The following PTPRT variants were observed in gnomAD, a reference collection of about 807,000 sequenced individuals.
PTPRT encodes protein tyrosine phosphatase receptor type T, also known as receptor-type tyrosine-protein phosphatase T.
In PTPRT, 56 loss-of-function variants were observed where a neutral mutation model predicts 176.8. That is an observed-to-expected ratio of 0.32 (90% CI 0.26 to 0.40). The LOEUF (loss-of-function observed/expected upper bound fraction) is 0.40, where lower values mean the gene tolerates loss of function less well. Among genes scored for constraint, PTPRT ranks in the 10% least tolerant of loss-of-function variants. The pLI is 1.00. For missense variants in PTPRT, 1,540 were observed against 1,908.2 expected, an observed-to-expected ratio of 0.81 and a Z score of 3.60; for synonymous variants, 783 against 739.0, an observed-to-expected ratio of 1.06 and a Z score of -0.96.
At chr20:43,099,857 T>TG (rs1319834609) in intron 1 of PTPRT, among the ~76,000 whole-genome samples, 4 of 152,188 alleles carry the variant, frequency 2.6e-5, no homozygotes, top group African/African-American at 9.7e-5. Flanking sequence ...TCATCATTTC[T>TG]GGTCTTGGGA....
At chr20:42,604,598 G>T (rs960180909) in intron 7 of PTPRT, among the ~76,000 whole-genome samples, 2 of 152,096 alleles carry the variant, frequency 1.3e-5, no homozygotes, top group African/African-American at 4.8e-5. Flanking sequence ...CTAGGAAGAG[G>T]TTCTCTCATT....
At chr20:42,303,210 T>C (rs1352623372) in intron 12 of PTPRT, among the ~76,000 whole-genome samples, 1 of 152,230 alleles carries the variant, frequency 6.6e-6, no homozygotes, top group African/African-American at 2.4e-5. Flanking sequence ...TGAGCTGTAA[T>C]TACTAATTGA....
At chr20:42,566,942 G>A (rs1275315792) in intron 7 of PTPRT, among the ~76,000 whole-genome samples, 7 of 152,078 alleles carry the variant, frequency 4.6e-5, no homozygotes, top group African/African-American at 1.7e-4. Context: ...ACTTTTCCAT[G>A]AATCTAAATT....
chr20:42,523,721 T>C (rs1053455224), intron 7 of PTPRT, among the ~76,000 whole-genome samples: 4 of 152,252 alleles, frequency 2.6e-5, no homozygotes, highest in Non-Finnish European at 5.9e-5. Context: ...ACTTATTCTA[T>C]ATTTTTACTT....
intron 6 of PTPRT, among the ~76,000 whole-genome samples, chr20:42,734,088 G>A (rs2076502391): frequency 6.6e-6 from 1 of 152,176 alleles, no homozygotes; most frequent in African/African-American, 2.4e-5. Context: ...TAATGCCTGA[G>A]CCAGCTTGTA....
chr20:42,510,917 A>G (rs941889611), intron 7 of PTPRT, among the ~76,000 whole-genome samples: 1 of 152,086 alleles, frequency 6.6e-6, no homozygotes, highest in African/African-American at 2.4e-5. Context: ...TTAATCCCCA[A>G]TGTGGCAATC....
rs553058042 is a variant in PTPRT, at chr20:42,564,182, C to T, written c.1154-91620G>A. Among the ~76,000 whole-genome samples, 5 of 152,308 alleles carry T rather than the reference C, an allele frequency of 3.3e-5. No individual in the cohort carries two copies. The South Asian group carries it at 8.3e-4, about 25-fold the overall frequency. ...GCCTTGCTGTATACCCAGCAACCGC[C>T]TAGTCTCCTTCACAGAAAGAAACAG... On this transcript the variant is annotated intron_variant, in intron 7 of 30. Transcript: ENST00000373187.
chr20:42,817,453 T>C (rs191277821), intron 2 of PTPRT, among the ~76,000 whole-genome samples: 1 of 148,842 alleles, frequency 6.7e-6, no homozygotes, highest in East Asian at 2.1e-4. Flanking sequence ...GTGTACACAA[T>C]AATACTCCCT....
At chr20:42,426,585 C>A (rs1033226965) in intron 9 of PTPRT, among the ~76,000 whole-genome samples, 1 of 152,232 alleles carries the variant, frequency 6.6e-6, no homozygotes, top group Admixed American at 6.5e-5. Flanking sequence ...CTTAAGCCGT[C>A]TGCAGATGGC....
chr20:42,130,600 G>A (rs1170968131), intron 18 of PTPRT, among the ~76,000 whole-genome samples: 1 of 152,156 alleles, frequency 6.6e-6, no homozygotes, highest in Non-Finnish European at 1.5e-5. Context: ...TCCTATTATG[G>A]ACAAACAGGC....
In PTPRT at chr20:42,726,256, T is replaced by A. The variant is rs182550571; in HGVS notation, c.859+30206A>T. Among the ~76,000 whole-genome samples, 290 of 152,132 alleles carry A rather than the reference T, an allele frequency of 1.9e-3. 1 individual carries two copies. The highest frequency in any genetic ancestry group is 6.8e-3 in the Middle Eastern group (2 of 294). ...CAGCACACTTGGCTAATTTTGTATT[T>A]TTAGTAGAGATGGGGTTTCACCATG... On this transcript the variant is annotated intron_variant, in intron 6 of 30. Transcript: ENST00000373187.
intron 2 of PTPRT, among the ~76,000 whole-genome samples, chr20:42,874,311 G>A (rs1359201957): frequency 2.0e-5 from 3 of 152,088 alleles, no homozygotes; most frequent in Non-Finnish European, 4.4e-5. Context: ...CGAACAACAT[G>A]CAGGTTCACT....
At chr20:42,625,917 T>C (rs2074281127) in intron 7 of PTPRT, among the ~76,000 whole-genome samples, 1 of 132,728 alleles carries the variant, frequency 7.5e-6, no homozygotes, top group Non-Finnish European at 1.6e-5. Context: ...AAGTTCCATT[T>C]TGTAGAAATG....
intron 2 of PTPRT, among the ~76,000 whole-genome samples, chr20:42,853,749 T>C (rs990834999): frequency 6.6e-6 from 1 of 152,194 alleles, no homozygotes; most frequent in African/African-American, 2.4e-5. Context: ...GAGCATCCCT[T>C]AGACCAATCA....
At chr20:42,338,325 G>A (rs1055623611) in intron 11 of PTPRT, among the ~76,000 whole-genome samples, 1 of 152,202 alleles carries the variant, frequency 6.6e-6, no homozygotes, top group Non-Finnish European at 1.5e-5. Context: ...CTGATAGAGA[G>A]ATGGTGCCAG....
intron 15 of PTPRT, among the ~76,000 whole-genome samples, chr20:42,222,878 A>T (rs2055916978): frequency 6.6e-6 from 1 of 152,188 alleles, no homozygotes; most frequent in African/African-American, 2.4e-5. Context: ...TTGGACAGAA[A>T]TTTCAGAGGC....
chr20:42,620,600 G>C (rs2145855030), intron 7 of PTPRT, among the ~76,000 whole-genome samples: 1 of 152,248 alleles, frequency 6.6e-6, no homozygotes, highest in East Asian at 1.9e-4. Flanking sequence ...GAGATTCCGT[G>C]GGCGTAGGAC....
At chr20:42,974,492 T>C (rs1008398215) in intron 1 of PTPRT, among the ~76,000 whole-genome samples, 8 of 151,764 alleles carry the variant, frequency 5.3e-5, no homozygotes, top group Admixed American at 6.6e-5. Flanking sequence ...CACACACACA[T>C]AATCATACAA....
intron 18 of PTPRT, among the ~76,000 whole-genome samples, chr20:42,134,583 A>G (rs1032497671): frequency 3.3e-5 from 5 of 152,172 alleles, no homozygotes; most frequent in Non-Finnish European, 7.3e-5. Context: ...TCAGTTTGCA[A>G]TCAATCTGCT....
Sources: allele counts gnomAD v4.1 joint callset (sites outside exome capture counted in the v4.1 genomes callset), GRCh38; gene constraint gnomAD v4.1.1; transcripts MANE v1.5; gene names NCBI Gene and HGNC (gene_info 2026-07-23, HGNC 2026-07-21).